The following AP2A1 variants were observed in gnomAD, a reference collection of about 807,000 sequenced individuals.
The protein encoded by AP2A1 is adaptor related protein complex 2 subunit alpha 1.
Under a neutral mutation model 107.3 loss-of-function variants are expected in AP2A1, and 21 were observed. The observed-to-expected ratio is 0.20, with a 90% CI of 0.14 to 0.28. The LOEUF (loss-of-function observed/expected upper bound fraction) is 0.28, where lower values mean the gene tolerates loss of function less well. Ranked by LOEUF, AP2A1 falls within the 10% of genes least tolerant of loss-of-function variation. The pLI is 1.00. For missense variants in AP2A1, 873 were observed against 1,307.7 expected (o/e 0.67, Z 5.13); for synonymous variants, 602 against 564.8 (o/e 1.07, Z -0.93).
At chr19:49,802,674 G>A in intron 15 of AP2A1, 2 of 1,375,428 alleles carry the variant, frequency 1.5e-6, no homozygotes, top group Non-Finnish European at 1.9e-6. Context: ...TAGGGGACTG[G>A]GAGCCCTCGT....
At chr19:49,801,161 T>A (rs2073274091) in intron 12 of AP2A1, 103 bp downstream of exon 12, 2 of 1,191,790 alleles carry the variant, frequency 1.7e-6, no homozygotes, top group African/African-American at 1.5e-5. Flanking sequence ...TGGGCTCCCA[T>A]CCTCTCGGCC....
At chr19:49,784,236 G>A (rs988095391) in intron 4 of AP2A1, among the ~76,000 whole-genome samples, 1 of 152,122 alleles carries the variant, frequency 6.6e-6, no homozygotes, top group Admixed American at 6.5e-5. Flanking sequence ...AGACCAGCCT[G>A]GCCAACATGG....
chr19:49,771,322 A>G (rs897627583), intron 1 of AP2A1, among the ~76,000 whole-genome samples: 2 of 151,526 alleles, frequency 1.3e-5, no homozygotes, highest in African/African-American at 4.9e-5. Context: ...AAAAAAAAAA[A>G]AAAAGAAAGG....
chr19:49,772,195 C>T (rs2084566044), intron 1 of AP2A1, among the ~76,000 whole-genome samples: 1 of 147,976 alleles, frequency 6.8e-6, no homozygotes, highest in East Asian at 2.0e-4. Flanking sequence ...GTAGCTGGGA[C>T]TATAGGCACA....
rs1236363035 is a variant in AP2A1 at position 49,788,309 on chromosome 19, T to C, written c.474-3626T>C. 6.6e-6 allele frequency among the ~76,000 whole-genome samples: 1 copy of C among 152,224 alleles called. No individual in the cohort carries two copies. Among genetic ancestry groups the C allele is most frequent in the African/African-American group, 2.4e-5 (1 of 41,454 alleles). ...GATATTGTGTAGTTTAACATTTTCC[T>C]AAGTAGCGCCATAGCCCTTATTCCA... On this transcript the variant is annotated intron_variant, in intron 4 of 22. Coordinates refer to ENST00000354293, the MANE Select transcript of AP2A1 (RefSeq NM_130787.3). This position sits in a 1 kb window ranked among gnomAD's most constrained non-coding sequence, Gnocchi z 4.5.
intron 8 of AP2A1, 34 bp downstream of exon 8, chr19:49,798,986 G>A: frequency 1.3e-6 from 2 of 1,551,272 alleles, no homozygotes; most frequent in Non-Finnish European, 1.7e-6. Context: ...CCTGATGCCT[G>A]GGGCCAGGAA....
intron 18 of AP2A1, chr19:49,804,656 C>T (rs1011083649): frequency 1.3e-5 from 2 of 152,216 alleles, no homozygotes; most frequent in African/African-American, 4.8e-5. Flanking sequence ...GCTACTGACA[C>T]GGATGCAGAT....
At chr19:49,797,461 A>T (rs1312622710) in intron 7 of AP2A1, 3 of 152,248 alleles carry the variant, frequency 2.0e-5, no homozygotes, top group Non-Finnish European at 4.4e-5. Flanking sequence ...ACAGTGGCTC[A>T]CGCCTGTAAT....
chr19:49,789,204 C>T (rs1306628754), intron 4 of AP2A1, among the ~76,000 whole-genome samples: 1 of 152,162 alleles, frequency 6.6e-6, no homozygotes, highest in Non-Finnish European at 1.5e-5. Flanking sequence ...TCTGGGAAAC[C>T]CTTTACTGAT....
At chr19:49,781,719 C>T (rs1226128445) in intron 1 of AP2A1, 38 bp from the exon 2 acceptor site, 4 of 1,559,478 alleles carry the variant, frequency 2.6e-6, no homozygotes, top group Middle Eastern at 1.7e-4. Context: ...GCTGACTCCC[C>T]AGACCCCTCA....
At chr19:49,767,651 G>C (rs367807667) in intron 1 of AP2A1, among the ~76,000 whole-genome samples, 2 of 152,240 alleles carry the variant, frequency 1.3e-5, no homozygotes, top group African/African-American at 4.8e-5. Flanking sequence ...GAAGCCTAAT[G>C]AAGCAGGGCT....
At position 49,806,789 on chromosome 19, in the gene AP2A1, G is replaced by A. The variant is rs750252724; in HGVS notation, c.*31G>A. On this transcript the variant is annotated 3_prime_UTR_variant, in exon 23 of 23. Coordinates refer to ENST00000354293, the MANE Select transcript of AP2A1 (RefSeq NM_130787.3). ...GGACTCTGCCCCGGGGGATGTGGCC[G>A]GCACTGGGCAGCCCCTTGGACTGAG... 29 of 1,613,078 alleles carry A rather than the reference G, an allele frequency of 1.8e-5. No individual in the cohort carries two copies. Among genetic ancestry groups the A allele is most frequent in the Non-Finnish European group, 2.2e-5 (26 of 1,179,750 alleles).
At chr19:49,795,833 C>T (rs2073207005) in intron 7 of AP2A1, 95 bp downstream of exon 7, 1 of 984,324 alleles carries the variant, frequency 1.0e-6, no homozygotes. Context: ...ACTGGAGGGT[C>T]TGGGTCAGGA....
At position 49,788,749 on chromosome 19, in the gene AP2A1, C is replaced by T. The variant is rs919360253; in HGVS notation, c.474-3186C>T. Among the ~76,000 whole-genome samples, 11 of 152,130 alleles carry T rather than the reference C, an allele frequency of 7.2e-5. No individual in the cohort carries two copies. The highest frequency in any genetic ancestry group is 2.2e-4 in the African/African-American group (9 of 41,488). ...GGGAAAGTGGCCTGGAGTCAGGGCT[C>T]GGGAGATGTGCGCTGTGACGGAGGT... On this transcript the variant is annotated intron_variant, in intron 4 of 22. Transcript: ENST00000354293. The surrounding 1 kb of genome is among the most constrained non-coding windows in gnomAD (Gnocchi z 4.5).
chr19:49,800,192 C>A, intron 11 of AP2A1, 42 bp downstream of exon 11: 1 of 1,562,140 alleles, frequency 6.4e-7, no homozygotes, highest in Non-Finnish European at 8.7e-7. Flanking sequence ...CACGACAGGA[C>A]CTAGAGGCAG....
At chr19:49,768,455 C>CTTG (rs1345753274) in intron 1 of AP2A1, among the ~76,000 whole-genome samples, 1 of 152,156 alleles carries the variant, frequency 6.6e-6, no homozygotes, top group Non-Finnish European at 1.5e-5. Context: ...TAGTATCTTC[C>CTTG]TGAGGGGCTT....
intron 1 of AP2A1, among the ~76,000 whole-genome samples, chr19:49,779,687 G>C (rs1167102853): frequency 6.6e-6 from 1 of 152,100 alleles, no homozygotes; most frequent in Admixed American, 6.6e-5. Flanking sequence ...CCATCCTCCT[G>C]CCTCACATGC....
chr19:49,800,160 C>T lies in AP2A1; in HGVS notation c.1455+10C>T. ...CAAGACCGTCTTTGAGGTCAGCATC[C>T]CTGACCCTGACCCTATGACCCCACG... On this transcript the variant is annotated intron_variant, in intron 11 of 22. Transcript: ENST00000354293. 6.3e-7 allele frequency: 1 copy of T among 1,599,552 alleles called. No homozygotes were observed. The highest frequency in any genetic ancestry group is 8.5e-7 in the Non-Finnish European group (1 of 1,170,184).
rs777017208 is a variant in AP2A1 at position 49,806,972 on chromosome 19, T to TC, written c.*221dup. On this transcript the variant is annotated 3_prime_UTR_variant, in exon 23 of 23. Coordinates refer to ENST00000354293, the MANE Select transcript of AP2A1 (RefSeq NM_130787.3). ...TAGGGGGAGTCCCCCTCCCTCCCTTTCCCCCCCAAGCACAGAGGGGAGAGG... is the reference window on the plus strand; with the variant it reads ...TAGGGGGAGTCCCCCTCCCTCCCTTTCCCCCCCCAAGCACAGAGGGGAGAGG... The TC allele has an allele frequency of 1.9e-5, 29 of 1,530,560 alleles. No homozygotes were observed. The highest frequency in any genetic ancestry group is 2.0e-4 in the Middle Eastern group (1 of 4,954). The allele number at this position is 1,530,560 out of a possible 1,614,324, so 94.8% of individuals were successfully genotyped here.
Sources: gnomAD v4.1 joint callset for allele counts (sites outside exome capture counted in the v4.1 genomes callset) on GRCh38, gnomAD v4.1.1 for gene constraint, Gnocchi (gnomAD v3.1) non-coding constraint, MANE v1.5 for transcripts, NCBI Gene and HGNC (gene_info 2026-07-23, HGNC 2026-07-21) for gene names.